EVI5L: variants seen among roughly 807,000 people sequenced by gnomAD.
EVI5L encodes ecotropic viral integration site 5 like.
EVI5L carries 30 observed loss-of-function variants against 106.1 expected under a neutral mutation model. That is an observed-to-expected ratio of 0.28 (90% CI 0.21 to 0.38). The LOEUF is 0.38. Among genes scored for constraint, EVI5L ranks in the 10% least tolerant of loss-of-function variants. The pLI, the probability that EVI5L is intolerant of heterozygous loss-of-function variation, is 1.00. For synonymous variants in EVI5L, 489 were observed against 483.3 expected, an observed-to-expected ratio of 1.01 and a Z score of -0.15; for missense variants, 809 against 1,098.0, an observed-to-expected ratio of 0.74 and a Z score of 3.72.
rs1979339810 is a variant in EVI5L, at chr19:7,853,126, C to T, written c.1028C>T (p.Pro343Leu). ...RVIPHQFDSC[P>L]DKLVLKAYQV... ...ATCCCCCACCAGTTCGACAGCTGCC[C>T]GGACAAGCTGGTCCTCAAAGCCTAC... Residue 343 changes from proline to leucine, a missense_variant, in exon 9 of 20, where the codon CCG becomes CTG. Physicochemically the swap from Pro to Leu is moderately conservative, Grantham distance 98. Transcript: ENST00000538904. 3 of 1,613,954 alleles carry T rather than the reference C, an allele frequency of 1.9e-6. No homozygotes were observed. Among genetic ancestry groups the T allele is most frequent in the East Asian group, 2.2e-5 (1 of 44,876 alleles).
intron 17 of EVI5L, among the ~76,000 whole-genome samples, chr19:7,862,740 A>ACCCC (rs71179150): frequency 1.3e-3 from 29 of 23,166 alleles, no homozygotes; most frequent in South Asian, 0.01. Flanking sequence ...CCTCCTGACC[A>ACCCC]CCCCCCCCCG....
Position 7,863,585 on chromosome 19 carries a change from C to T in EVI5L, c.2301C>T (p.Ser767=). The change falls in exon 20 of 20, where the codon TCC becomes TCT. Residue 767 remains serine (S), a synonymous_variant. Coordinates refer to ENST00000538904, the MANE Select transcript of EVI5L (RefSeq NM_001159944.3). This position sits in a 1 kb window ranked among gnomAD's most constrained non-coding sequence, Gnocchi z 7.7. ...AALQDALYPL[S]PRDARFFRRL... is the part of the protein sequence containing the mutation. Reference sequence around the variant, plus strand: ...TGCAGGACGCATTGTACCCTCTGTCCCCGCGCGATGCGCGCTTCTTCCGCC... The same window carrying T: ...TGCAGGACGCATTGTACCCTCTGTCTCCGCGCGATGCGCGCTTCTTCCGCC... 6.3e-7 allele frequency: 1 copy of T among 1,590,454 alleles called. No individual in the cohort carries two copies.
intron 10 of EVI5L, among the ~76,000 whole-genome samples, chr19:7,855,673 C>T (rs1320040946): frequency 6.6e-6 from 1 of 152,206 alleles, no homozygotes; most frequent in East Asian, 1.9e-4. Flanking sequence ...CTGATTCCCG[C>T]ACAACCCTTG....
intron 1 of EVI5L, among the ~76,000 whole-genome samples, chr19:7,842,683 T>C (rs891282873): frequency 7.2e-5 from 11 of 151,870 alleles, no homozygotes; most frequent in African/African-American, 2.7e-4. Context: ...TGGATGTGTG[T>C]GCAAATTGTG....
In EVI5L at chr19:7,848,024, G is replaced by A. The variant is rs1256587686; in HGVS notation, c.327+103G>A. The A allele has an allele frequency of 5.1e-5, 65 of 1,270,700 alleles. 2 individuals carry two copies. In the South Asian group the frequency reaches 9.6e-4, roughly 19 times the overall value. The allele number at this position is 1,270,700 out of a possible 1,614,324, so 78.7% of individuals were successfully genotyped here. ...CAGGGTCTGCGGGGCCCCAGCCTGGGCACAGCGGCAGCAGTGGAGATGTGC... is the reference window on the plus strand; with the variant it reads ...CAGGGTCTGCGGGGCCCCAGCCTGGACACAGCGGCAGCAGTGGAGATGTGC... On this transcript the variant is annotated intron_variant, in intron 3 of 19. Transcript: ENST00000538904. This position sits in a 1 kb window ranked among gnomAD's most constrained non-coding sequence, Gnocchi z 4.8.
chr19:7,862,947 T>C (rs1401857974), intron 17 of EVI5L, 25 bp from the exon 18 acceptor site: 2 of 1,087,510 alleles, frequency 1.8e-6, no homozygotes, highest in Non-Finnish European at 2.6e-6. Context: ...CCCGCCCTCC[T>C]TTCCCCCCAA....
In EVI5L at chr19:7,858,286, C is replaced by T. The variant is rs1228674845; in HGVS notation, c.1329C>T (p.Asp443=). ...VRQQCSSAAE[D]LQKAQSTIRQ... is the part of the protein sequence containing the mutation. ...AGCAGTGCAGCTCGGCGGCCGAGGA[C>T]CTGCAGAAGGCACAGAGCACCATCC... Residue 443 remains aspartate (D), a synonymous_variant, in exon 13 of 20, where the codon GAC becomes GAT. Transcript: ENST00000538904. The surrounding 1 kb of genome is among the most constrained non-coding windows in gnomAD (Gnocchi z 5.7). 2 of 1,551,014 alleles carry T rather than the reference C, an allele frequency of 1.3e-6. No individual in the cohort carries two copies. The highest frequency in any genetic ancestry group is 8.7e-7 in the Non-Finnish European group (1 of 1,147,720).
rs1037280884 is a variant in EVI5L at position 7,835,501 on chromosome 19, C to T, written c.-48+5120C>T. On this transcript the variant is annotated intron_variant, in intron 1 of 19. Transcript: ENST00000538904. This position sits in a 1 kb window ranked among gnomAD's most constrained non-coding sequence, Gnocchi z 4.1. ...CCAGCCTGGGTGACAGAGGTAGACT[C>T]GGTTTCAAAGAAAAAAGAATAAAAA... Among the ~76,000 whole-genome samples the T allele has an allele frequency of 2.0e-5, 3 of 151,974 alleles. No homozygotes were observed. The highest frequency in any genetic ancestry group is 4.8e-5 in the African/African-American group (2 of 41,350).
chr19:7,860,708 C>T lies in EVI5L; in HGVS notation c.1503+19C>T, dbSNP rs375705474. 48 of 1,565,040 alleles carry T rather than the reference C, an allele frequency of 3.1e-5. No individual in the cohort carries two copies. Among genetic ancestry groups the T allele is most frequent in the African/African-American group, 6.8e-5 (5 of 74,034 alleles). ...GGAAAAGGTGCAATGGGGAGGCAGA[C>T]GGGCAGGTGTCGGGGGGACCCTGGG... On this transcript the variant is annotated intron_variant, in intron 14 of 19. Coordinates refer to ENST00000538904, the MANE Select transcript of EVI5L (RefSeq NM_001159944.3).
chr19:7,862,327 C>G, intron 16 of EVI5L, 50 bp downstream of exon 16: 1 of 1,583,234 alleles, frequency 6.3e-7, no homozygotes, highest in Non-Finnish European at 8.6e-7. Context: ...TGTCCGTGGC[C>G]AGCCCCTGAG....
intron 1 of EVI5L, among the ~76,000 whole-genome samples, chr19:7,833,766 C>A (rs1369901216): frequency 6.6e-6 from 1 of 152,180 alleles, no homozygotes; most frequent in African/African-American, 2.4e-5. Flanking sequence ...TGGGGGGCTC[C>A]CCAGCAAAGG....
In EVI5L at chr19:7,845,690, T is replaced by A. The variant is rs2146421976; in HGVS notation, c.-47-806T>A. Reference sequence around the variant, plus strand: ...AGTACCTTTGTTTTTGACATGGCATTGATCTGCCTCCACCAGGGTGGCAGA... The same window carrying A: ...AGTACCTTTGTTTTTGACATGGCATAGATCTGCCTCCACCAGGGTGGCAGA... On this transcript the variant is annotated intron_variant, in intron 1 of 19. Coordinates refer to ENST00000538904, the MANE Select transcript of EVI5L (RefSeq NM_001159944.3). This position sits in a 1 kb window ranked among gnomAD's most constrained non-coding sequence, Gnocchi z 4.0. Among the ~76,000 whole-genome samples the A allele has an allele frequency of 6.6e-6, 1 of 152,314 alleles. No homozygotes were observed. The highest frequency in any genetic ancestry group is 2.1e-4 in the South Asian group (1 of 4,824).
At chr19:7,833,558 G>A (rs985007726) in intron 1 of EVI5L, among the ~76,000 whole-genome samples, 1 of 152,246 alleles carries the variant, frequency 6.6e-6, no homozygotes, top group African/African-American at 2.4e-5. Flanking sequence ...AGGCACAGCA[G>A]GGATGACGTA....
rs1332138889 is a variant in EVI5L, at chr19:7,862,128, C to G, written c.1651C>G (p.Leu551Val). Residue 551 changes from leucine (L) to valine (V), a missense_variant, in exon 16 of 20, where the codon CTG becomes GTG. Physicochemically the swap from Leu to Val is conservative, Grantham distance 32 (BLOSUM62 1). Around this residue, in one of 2 missense-constraint regions of EVI5L, gnomAD observed 452 missense variants for 509.9 expected, o/e 0.89. Transcript: ENST00000538904. ...TCTCGGCTTCACCCCCCAGGCCCATCTGGCCCGCGGCGGCCGCTGGAAGGA... is the reference window on the plus strand; with the variant it reads ...TCTCGGCTTCACCCCCCAGGCCCATGTGGCCCGCGGCGGCCGCTGGAAGGA... ...QELSDTWQAH[L>V]ARGGRWKESP... 1.9e-6 allele frequency: 3 copies of G among 1,567,962 alleles called. No homozygotes were observed. In the African/African-American group the frequency reaches 4.0e-5, roughly 21 times the overall value.
In EVI5L at chr19:7,835,310, C is replaced by G. The variant is rs530984147; in HGVS notation, c.-48+4929C>G. Among the ~76,000 whole-genome samples the G allele has an allele frequency of 3.0e-4, 45 of 151,886 alleles. No individual in the cohort carries two copies. The highest frequency in any genetic ancestry group is 1.1e-3 in the African/African-American group (44 of 41,374). ...ATCACCTGAGGTCAGGAGTTCGAGACCAGCTTGGTTAACACAGTGAAACCC... is the reference window on the plus strand; with the variant it reads ...ATCACCTGAGGTCAGGAGTTCGAGAGCAGCTTGGTTAACACAGTGAAACCC... On this transcript the variant is annotated intron_variant, in intron 1 of 19. Transcript: ENST00000538904. The surrounding 1 kb of genome is among the most constrained non-coding windows in gnomAD (Gnocchi z 4.1).
intron 1 of EVI5L, among the ~76,000 whole-genome samples, chr19:7,841,512 G>A (rs1043349594): frequency 6.6e-5 from 10 of 151,846 alleles, no homozygotes; most frequent in Non-Finnish European, 8.8e-5. Context: ...AGCACTTTCC[G>A]TCCCCACGCC....
chr19:7,843,004 A>G (rs1043818172), intron 1 of EVI5L, among the ~76,000 whole-genome samples: 2 of 150,614 alleles, frequency 1.3e-5, no homozygotes, highest in South Asian at 2.1e-4. Context: ...GAGTGTGTGC[A>G]TGTGTGTATA....
rs1357926934 is a variant in EVI5L, at chr19:7,863,518, C to T, written c.2234C>T (p.Ser745Leu). The T allele has an allele frequency of 6.3e-7, 1 of 1,594,656 alleles. No individual in the cohort carries two copies. Among genetic ancestry groups the T allele is most frequent in the Non-Finnish European group, 8.5e-7 (1 of 1,171,572 alleles). The change falls in exon 20 of 20, where the codon TCG (serine) becomes TTG (leucine). Residue 745 changes from serine to leucine, a missense_variant. Transcript: ENST00000538904. This position sits in a 1 kb window ranked among gnomAD's most constrained non-coding sequence, Gnocchi z 7.7. Reference sequence around the variant, plus strand: ...CACTTGGACGAGGACTCGCTGCCGTCGTCGGACGAGGAGCTACTTGGCGTA... The same window carrying T: ...CACTTGGACGAGGACTCGCTGCCGTTGTCGGACGAGGAGCTACTTGGCGTA... ...ARHLDEDSLP[S>L]SDEELLGVGV... is the part of the protein sequence containing the mutation.
intron 1 of EVI5L, among the ~76,000 whole-genome samples, chr19:7,842,744 T>C (rs992009365): frequency 1.4e-5 from 2 of 145,980 alleles, no homozygotes; most frequent in African/African-American, 5.1e-5. Context: ...TGCATGTGTG[T>C]GAAGGTACTG....
Sources: gnomAD v4.1 joint callset for allele counts (sites outside exome capture counted in the v4.1 genomes callset) on GRCh38, gnomAD v4.1.1 for gene constraint, gnomAD v4.1.1 regional missense constraint, Gnocchi (gnomAD v3.1) non-coding constraint, MANE v1.5 for transcripts, NCBI Gene and HGNC (gene_info 2026-07-23, HGNC 2026-07-21) for gene names.